Variants in KLHL18 observed in about 807,000 individuals in gnomAD.
KLHL18 encodes the protein kelch-like protein 18.
KLHL18 carries 38 observed loss-of-function variants against 58.5 expected under a neutral mutation model. That is an observed-to-expected ratio of 0.65 (90% CI 0.50 to 0.85). KLHL18 has a LOEUF of 0.85. KLHL18 is among the 40% of genes least tolerant of loss of function. The pLI, the probability that KLHL18 is intolerant of heterozygous loss-of-function variation, is 0.00. For missense variants in KLHL18, 624 were observed against 778.4 expected (o/e 0.80, Z 2.36); for synonymous variants, 303 against 301.9 (o/e 1.00, Z -0.04).
rs1404156398 is a variant in KLHL18 at position 47,333,028 on chromosome 3, A to C, written c.601-129A>C. The C allele has an allele frequency of 3.0e-5, 26 of 857,850 alleles. No individual in the cohort carries two copies. The East Asian group carries it at 6.6e-4, about 22-fold the overall frequency. The allele number at this position is 857,850 out of a possible 1,614,324, so 53.1% of individuals were successfully genotyped here. A position where few individuals can be genotyped will look rare whatever the true frequency, so the allele number is the denominator to read the frequency against. On this transcript the variant is annotated intron_variant, in intron 4 of 9. Transcript: ENST00000232766. ...AGAGAAATCAGGGATTTCAGAGACA[A>C]GTAGGAGAAAAGATTGATGGGCCCA...
chr3:47,301,262 T>C (rs1461335619), intron 1 of KLHL18, among the ~76,000 whole-genome samples: 3 of 152,176 alleles, frequency 2.0e-5, no homozygotes, highest in Non-Finnish European at 4.4e-5. Context: ...TAATGGTTTG[T>C]GCTTTTGGTC....
At chr3:47,292,947 A>G (rs1559485779) in intron 1 of KLHL18, among the ~76,000 whole-genome samples, 1 of 151,786 alleles carries the variant, frequency 6.6e-6, no homozygotes, top group Non-Finnish European at 1.5e-5. Flanking sequence ...GTGAAATATT[A>G]CTCAGCCTTT....
intron 1 of KLHL18, among the ~76,000 whole-genome samples, chr3:47,311,390 T>C (rs1348429728): frequency 6.6e-6 from 1 of 152,080 alleles, no homozygotes; most frequent in Non-Finnish European, 1.5e-5. Flanking sequence ...AGTATGTTCA[T>C]GATTTTAAAA....
chr3:47,327,005 G>A (rs184802319), intron 3 of KLHL18, among the ~76,000 whole-genome samples: 33 of 151,986 alleles, frequency 2.2e-4, no homozygotes, highest in African/African-American at 7.5e-4. Flanking sequence ...TTTGGAGGCC[G>A]AGGCAGGCAG....
intron 1 of KLHL18, 102 bp downstream of exon 1, chr3:47,283,196 G>A (rs1702517334): frequency 1.5e-5 from 17 of 1,118,576 alleles, no homozygotes; most frequent in Middle Eastern, 2.4e-4. Context: ...GGAGAGGGGT[G>A]GGGAGAAGAG....
intron 1 of KLHL18, among the ~76,000 whole-genome samples, chr3:47,284,755 G>C (rs1049859416): frequency 2.0e-5 from 3 of 152,164 alleles, no homozygotes; most frequent in Admixed American, 2.0e-4. Context: ...GAAGGATTTG[G>C]ATTAAAATCC....
At chr3:47,300,892 G>C (rs2107595744) in intron 1 of KLHL18, among the ~76,000 whole-genome samples, 1 of 152,090 alleles carries the variant, frequency 6.6e-6, no homozygotes, top group South Asian at 2.1e-4. Context: ...GCCCACCTTG[G>C]CTTCCCAAAG....
In KLHL18 at chr3:47,344,569, T is replaced by TC. The variant is rs111719251; in HGVS notation, c.*628_*629insC. The TC allele has an allele frequency of 1, 152,601 of 152,790 alleles. 76,212 individuals are homozygous for TC. The highest frequency in any genetic ancestry group is 1 in the Non-Finnish European group (68,116 of 68,116). The allele number at this position is 152,790 out of a possible 1,614,324, so 9.5% of individuals were successfully genotyped here. ...ATTTTGGGATTTCAGTGAGGCCTTT[T>TC]GATCTGTCCAGGAGAACAGAAGGGA... On this transcript the variant is annotated 3_prime_UTR_variant, in exon 10 of 10. Coordinates refer to ENST00000232766, the MANE Select transcript of KLHL18 (RefSeq NM_025010.5).
intron 7 of KLHL18, among the ~76,000 whole-genome samples, chr3:47,339,544 A>G (rs1704060822): frequency 6.6e-6 from 1 of 152,190 alleles, no homozygotes; most frequent in South Asian, 2.1e-4. Flanking sequence ...CACATGTAGT[A>G]AATGCACAGC....
rs867990966 is a variant in KLHL18 at position 47,295,864 on chromosome 3, C to T, written c.129+12770C>T. Among the ~76,000 whole-genome samples the T allele has an allele frequency of 5.9e-5, 9 of 152,244 alleles. No individual in the cohort carries two copies. In the South Asian group the frequency reaches 1.0e-3, roughly 18 times the overall value. ...CAAAGTGCTGTGTAGCCACTGTGCC[C>T]GGCCCCTTCAAAGTTTTCTTTTCTC... On this transcript the variant is annotated intron_variant, in intron 1 of 9. Coordinates refer to ENST00000232766, the MANE Select transcript of KLHL18 (RefSeq NM_025010.5).
intron 5 of KLHL18, 85 bp downstream of exon 5, chr3:47,333,402 A>C (rs1302603563): frequency 7.4e-7 from 1 of 1,352,830 alleles, no homozygotes; most frequent in Non-Finnish European, 1.0e-6. Context: ...TTCTGGAAAG[A>C]AAGCATTTAG....
chr3:47,323,275 A>G (rs1012622842), intron 3 of KLHL18, among the ~76,000 whole-genome samples: 6 of 151,980 alleles, frequency 3.9e-5, no homozygotes, highest in African/African-American at 1.5e-4. Context: ...TTTTTTTGGT[A>G]GAGATGTGGT....
At chr3:47,322,017 T>A (rs1439789649) in intron 2 of KLHL18, among the ~76,000 whole-genome samples, 1 of 152,158 alleles carries the variant, frequency 6.6e-6, no homozygotes, top group African/African-American at 2.4e-5. Context: ...TAGCTGGAAT[T>A]TGGATTTCAT....
At chr3:47,294,304 A>T (rs1202097751) in intron 1 of KLHL18, among the ~76,000 whole-genome samples, 1 of 152,124 alleles carries the variant, frequency 6.6e-6, no homozygotes, top group Admixed American at 6.5e-5. Context: ...TGTGCCAAGT[A>T]CTGTTCTAGG....
At chr3:47,318,504 A>G (rs570344671) in intron 1 of KLHL18, among the ~76,000 whole-genome samples, 1 of 152,310 alleles carries the variant, frequency 6.6e-6, no homozygotes. Context: ...CAACCCTGAC[A>G]TGTTGTGGGA....
At chr3:47,312,393 A>G (rs768203796) in intron 1 of KLHL18, among the ~76,000 whole-genome samples, 2 of 152,228 alleles carry the variant, frequency 1.3e-5, no homozygotes, top group African/African-American at 2.4e-5. Context: ...AGAGGTGGGT[A>G]TGTAGCAAAA....
chr3:47,338,172 C>T (rs1180971881), intron 7 of KLHL18: 1 of 152,342 alleles, frequency 6.6e-6, no homozygotes, highest in East Asian at 1.9e-4. Flanking sequence ...CCCCAGTGTT[C>T]TACGCCATCC....
At chr3:47,336,924 G>C (rs1353407089) in intron 7 of KLHL18, 167 bp downstream of exon 7, 7 of 612,572 alleles carry the variant, frequency 1.1e-5, no homozygotes, top group Admixed American at 8.8e-5. Flanking sequence ...GCCCCCATCT[G>C]CTTAAAAGTA....
intron 1 of KLHL18, among the ~76,000 whole-genome samples, chr3:47,316,707 GTA>G (rs1224270640): frequency 1.4e-3 from 54 of 38,132 alleles, no homozygotes; most frequent in African/African-American, 4.5e-3. Context: ...ACATATATAC[GTA>G]TATATGTATA....
Sources: gnomAD v4.1 joint callset for allele counts (sites outside exome capture counted in the v4.1 genomes callset) on GRCh38, gnomAD v4.1.1 for gene constraint, MANE v1.5 for transcripts, NCBI Gene and HGNC (gene_info 2026-07-23, HGNC 2026-07-21) for gene names.